Variants in PDGFC observed in about 807,000 individuals in gnomAD.
PDGFC encodes platelet derived growth factor C, also known as platelet-derived growth factor C.
Under a neutral mutation model 35.5 loss-of-function variants are expected in PDGFC, and 12 were observed. The observed-to-expected ratio is 0.34, with a 90% CI of 0.22 to 0.55. PDGFC has a LOEUF of 0.55. PDGFC is among the 20% of genes least tolerant of loss of function. The pLI is 0.91. For missense variants in PDGFC, 322 were observed against 412.4 expected (o/e 0.78, Z 1.90); for synonymous variants, 159 against 148.8 (o/e 1.07, Z -0.50).
intron 2 of PDGFC, among the ~76,000 whole-genome samples, chr4:156,829,022 C>T (rs1728862733): frequency 6.6e-6 from 1 of 152,118 alleles, no homozygotes; most frequent in Admixed American, 6.5e-5. Flanking sequence ...TTAATATTTT[C>T]TGAAACTTCA....
chr4:156,810,797 C>A (rs774014562), intron 3 of PDGFC, 40 bp downstream of exon 3: 1 of 1,264,902 alleles, frequency 7.9e-7, no homozygotes, highest in East Asian at 2.6e-5. Flanking sequence ...AAACAAAAAG[C>A]TGATCCAATT....
chr4:156,915,604 C>T (rs1333795990), intron 1 of PDGFC, among the ~76,000 whole-genome samples: 3 of 152,012 alleles, frequency 2.0e-5, no homozygotes, highest in Admixed American at 1.3e-4. Flanking sequence ...ACCAGCCTGG[C>T]CAACATTGTG....
At chr4:156,848,494 T>C (rs960852838) in intron 2 of PDGFC, among the ~76,000 whole-genome samples, 1 of 151,954 alleles carries the variant, frequency 6.6e-6, no homozygotes, top group African/African-American at 2.4e-5. Flanking sequence ...ACAAAAAAGG[T>C]TGATTATTTC....
intron 1 of PDGFC, among the ~76,000 whole-genome samples, chr4:156,911,029 G>T (rs1731026813): frequency 6.6e-6 from 1 of 152,052 alleles, no homozygotes; most frequent in East Asian, 1.9e-4. Flanking sequence ...GTTTTACAGA[G>T]CAAAAGTTTT....
chr4:156,879,313 T>TA (rs1730188065), intron 1 of PDGFC, among the ~76,000 whole-genome samples: 1 of 152,198 alleles, frequency 6.6e-6, no homozygotes, highest in Admixed American at 6.5e-5. Flanking sequence ...CACACTCATA[T>TA]AAAAATGAGC....
chr4:156,825,063 A>C (rs893031168), intron 2 of PDGFC, among the ~76,000 whole-genome samples: 1 of 152,182 alleles, frequency 6.6e-6, no homozygotes, highest in Non-Finnish European at 1.5e-5. Context: ...TAAAATTAAC[A>C]TATCTAGATT....
rs181784843 is a variant in PDGFC at position 156,935,098 on chromosome 4, C to T, written c.118+35688G>A. ...GCAACCTCTGCTTCCTGGGTTCAAGCGATTCTCTCCTTCCTCAGCCTCCCG... is the reference window on the plus strand; with the variant it reads ...GCAACCTCTGCTTCCTGGGTTCAAGTGATTCTCTCCTTCCTCAGCCTCCCG... On this transcript the variant is annotated intron_variant, in intron 1 of 5. Transcript: ENST00000502773. 1.1e-3 allele frequency among the ~76,000 whole-genome samples: 160 copies of T among 152,200 alleles called. No homozygotes were observed. In the South Asian group the frequency reaches 0.03, roughly 28 times the overall value.
At chr4:156,872,343 TA>T (rs914972557) in intron 1 of PDGFC, among the ~76,000 whole-genome samples, 2 of 151,952 alleles carry the variant, frequency 1.3e-5, no homozygotes, top group African/African-American at 2.4e-5. Flanking sequence ...TCTTCAAATC[TA>T]AAAAAAAGTG....
intron 1 of PDGFC, among the ~76,000 whole-genome samples, chr4:156,852,357 G>T (rs1729478392): frequency 6.6e-6 from 1 of 152,056 alleles, no homozygotes; most frequent in Non-Finnish European, 1.5e-5. Flanking sequence ...ATGAAATGAC[G>T]ACATTTCAGA....
At chr4:156,960,283 A>C (rs1279475892) in intron 1 of PDGFC, among the ~76,000 whole-genome samples, 1 of 140,434 alleles carries the variant, frequency 7.1e-6, no homozygotes, top group South Asian at 2.1e-4. Context: ...TAAAACTATA[A>C]ATTTGGAATA....
intron 2 of PDGFC, among the ~76,000 whole-genome samples, chr4:156,828,390 C>T (rs1579039100): frequency 6.6e-6 from 1 of 152,178 alleles, no homozygotes; most frequent in East Asian, 1.9e-4. Flanking sequence ...CAGATGAGAT[C>T]CGGCATCAAG....
intron 3 of PDGFC, among the ~76,000 whole-genome samples, chr4:156,790,339 G>A (rs139262178): frequency 9.4e-4 from 143 of 152,240 alleles, no homozygotes; most frequent in African/African-American, 3.3e-3. Flanking sequence ...GTTGAAAGAA[G>A]AAAGATTTTT....
intron 1 of PDGFC, among the ~76,000 whole-genome samples, chr4:156,940,325 T>C (rs1272787470): frequency 6.6e-6 from 1 of 152,100 alleles, no homozygotes; most frequent in Non-Finnish European, 1.5e-5. Context: ...GTCTATATTA[T>C]TAAATAGTAA....
chr4:156,816,968 T>TA (rs1416798120), intron 2 of PDGFC, among the ~76,000 whole-genome samples: 1 of 152,200 alleles, frequency 6.6e-6, no homozygotes, highest in Non-Finnish European at 1.5e-5. Context: ...ACAGCCACTC[T>TA]AAATTCTTTA....
chr4:156,763,426 T>C (rs1321314713), intron 5 of PDGFC, among the ~76,000 whole-genome samples: 1 of 151,204 alleles, frequency 6.6e-6, no homozygotes, highest in African/African-American at 2.4e-5. Flanking sequence ...TGCCAACAAT[T>C]TGGAAGCATT....
intron 1 of PDGFC, among the ~76,000 whole-genome samples, chr4:156,923,423 G>T (rs1199577639): frequency 1.3e-5 from 2 of 152,282 alleles, no homozygotes; most frequent in East Asian, 1.9e-4. Flanking sequence ...CTATTCAATT[G>T]TATTCAATGA....
At chr4:156,813,118 A>G (rs528610582) in intron 2 of PDGFC, among the ~76,000 whole-genome samples, 2 of 152,102 alleles carry the variant, frequency 1.3e-5, no homozygotes, top group Admixed American at 6.6e-5. Flanking sequence ...ACCTAAGTAG[A>G]TATTTCAGAT....
intron 1 of PDGFC, among the ~76,000 whole-genome samples, chr4:156,899,333 ACTTGAGCAAC>A (rs1004853848): frequency 3.3e-5 from 5 of 152,168 alleles, no homozygotes; most frequent in African/African-American, 1.2e-4. Flanking sequence ...TATAGCAGGG[ACTTGAGCAAC>A]CTTGGATTTT....
intron 2 of PDGFC, among the ~76,000 whole-genome samples, chr4:156,831,829 T>C (rs544397947): frequency 6.6e-6 from 1 of 152,260 alleles, no homozygotes; most frequent in Admixed American, 6.5e-5. Flanking sequence ...ATAAATTAGA[T>C]ACAATTTTTC....
Sources: allele counts gnomAD v4.1 joint callset (sites outside exome capture counted in the v4.1 genomes callset), GRCh38; gene constraint gnomAD v4.1.1; transcripts MANE v1.5; gene names NCBI Gene and HGNC (gene_info 2026-07-23, HGNC 2026-07-21).